Variants in NAV2 observed in about 807,000 individuals in gnomAD.
NAV2 encodes the protein neuron navigator 2.
A neutral mutation model predicts 223.2 loss-of-function variants in NAV2; 54 were observed. The observed-to-expected ratio is 0.24, with a 90% CI of 0.19 to 0.30. NAV2 has a LOEUF of 0.30. Among genes scored for constraint, NAV2 ranks in the 10% least tolerant of loss-of-function variants. The pLI is 1.00. For synonymous variants in NAV2, 1,279 were observed against 1,239.3 expected, an observed-to-expected ratio of 1.03 and a Z score of -0.67; for missense variants, 2,806 against 3,147.5, an observed-to-expected ratio of 0.89 and a Z score of 2.60.
intron 1 of NAV2, among the ~76,000 whole-genome samples, chr11:19,437,116 C>A (rs752253461): frequency 4.6e-5 from 7 of 152,126 alleles, no homozygotes; most frequent in African/African-American, 1.7e-4. Flanking sequence ...ACTGTGAAAG[C>A]AGCAGTGCAT....
intron 1 of NAV2, among the ~76,000 whole-genome samples, chr11:19,361,612 C>A (rs1308293425): frequency 1.3e-5 from 2 of 152,084 alleles, no homozygotes; most frequent in African/African-American, 4.8e-5. Flanking sequence ...GCCCAGGGAG[C>A]CAGCTTCCTC....
chr11:19,715,294 G>A (rs535061288), intron 1 of NAV2, among the ~76,000 whole-genome samples: 121 of 152,182 alleles, frequency 8.0e-4, no homozygotes, highest in Non-Finnish European at 1.5e-3. Context: ...TGGGAGGAAG[G>A]CAAGATTTCC....
intron 1 of NAV2, among the ~76,000 whole-genome samples, chr11:19,677,004 G>C (rs1386094081): frequency 6.6e-6 from 1 of 152,200 alleles, no homozygotes; most frequent in Non-Finnish European, 1.5e-5. Flanking sequence ...ACCACACCAA[G>C]AGTGAAGGCA....
chr11:19,349,135 A>G (rs1351832179), upstream of NAV2, among the ~76,000 whole-genome samples: 1 of 152,248 alleles, frequency 6.6e-6, no homozygotes, highest in Non-Finnish European at 1.5e-5. Context: ...TATACAAGAT[A>G]ACCTTCTGAA....
chr11:19,359,630 A>G (rs774242859), intron 1 of NAV2, among the ~76,000 whole-genome samples: 7 of 152,252 alleles, frequency 4.6e-5, no homozygotes, highest in Non-Finnish European at 5.9e-5. Flanking sequence ...AATAGAAACA[A>G]ATGACGTCAC....
intron 1 of NAV2, among the ~76,000 whole-genome samples, chr11:19,638,373 G>A (rs999630644): frequency 6.6e-6 from 1 of 152,210 alleles, no homozygotes; most frequent in African/African-American, 2.4e-5. Flanking sequence ...TTGTGCTTGA[G>A]AAAGCAGAAC....
intron 11 of NAV2, among the ~76,000 whole-genome samples, chr11:20,028,864 G>A (rs1404448461): frequency 6.6e-6 from 1 of 152,182 alleles, no homozygotes; most frequent in African/African-American, 2.4e-5. Context: ...ATTGTGAGTT[G>A]AGTTGTAACG....
chr11:20,034,645 G>C (rs1221384287), intron 11 of NAV2, among the ~76,000 whole-genome samples: 1 of 152,190 alleles, frequency 6.6e-6, no homozygotes, highest in Non-Finnish European at 1.5e-5. Context: ...GCTTCCCAAA[G>C]TGCTGGGATT....
intron 4 of NAV2, among the ~76,000 whole-genome samples, chr11:19,869,620 T>C (rs2153049524): frequency 6.6e-6 from 1 of 152,296 alleles, no homozygotes; most frequent in African/African-American, 2.4e-5. Context: ...GCCTGAAACT[T>C]TCACGCTCTC....
chr11:19,540,397 C>T (rs1160583938), intron 1 of NAV2, among the ~76,000 whole-genome samples: 1 of 152,256 alleles, frequency 6.6e-6, no homozygotes, highest in African/African-American at 2.4e-5. Context: ...CTTACTATTT[C>T]CTAGGCACTA....
chr11:19,734,060 G>A (rs576878308), intron 1 of NAV2, among the ~76,000 whole-genome samples: 1 of 152,260 alleles, frequency 6.6e-6, no homozygotes, highest in South Asian at 2.1e-4. Flanking sequence ...GGTGGACTTT[G>A]AGGCTGGAGA....
chr11:19,728,860 A>G (rs2051483940), intron 1 of NAV2, among the ~76,000 whole-genome samples: 1 of 152,232 alleles, frequency 6.6e-6, no homozygotes, highest in African/African-American at 2.4e-5. Flanking sequence ...GTAATTTGGT[A>G]ATAAGGAAAC....
At chr11:19,984,048 G>C (rs1035067770) in intron 10 of NAV2, 77 bp from the exon 11 acceptor site, 5 of 1,599,440 alleles carry the variant, frequency 3.1e-6, no homozygotes, top group South Asian at 1.1e-5. Flanking sequence ...GGCTGTACAG[G>C]CTTCTGGATA....
chr11:19,731,013 A>C (rs1007999730), intron 1 of NAV2, among the ~76,000 whole-genome samples: 6 of 152,258 alleles, frequency 3.9e-5, no homozygotes, highest in Non-Finnish European at 5.9e-5. Flanking sequence ...CACTTAAACC[A>C]AAAAATTATT....
chr11:19,869,619 T>G, intron 4 of NAV2, among the ~76,000 whole-genome samples: 1 of 152,156 alleles, frequency 6.6e-6, no homozygotes, highest in East Asian at 1.9e-4. Flanking sequence ...AGCCTGAAAC[T>G]TTCACGCTCT....
chr11:19,511,504 G>A (rs2043279090), intron 1 of NAV2: 1 of 152,172 alleles, frequency 6.6e-6, no homozygotes, highest in Non-Finnish European at 1.5e-5. Context: ...TCATGGTGAT[G>A]GTTGCACAAT....
intron 20 of NAV2, among the ~76,000 whole-genome samples, chr11:20,065,876 G>A (rs185755860): frequency 2.0e-5 from 3 of 152,262 alleles, no homozygotes; most frequent in Admixed American, 1.3e-4. Context: ...ATTGAACTTG[G>A]GGCTTATTTC....
Position 19,474,257 on chromosome 11 carries a change from G to T in NAV2, c.75+123230G>T, listed in dbSNP as rs181863107. On this transcript the variant is annotated intron_variant, in intron 1 of 37. Coordinates refer to the NAV2 transcript ENST00000360655. ...TGTCCAAAGAAGCAATGCAAGGCCA[G>T]CCCAGTGGCATCGTTTGTGAGAGTG... Among the ~76,000 whole-genome samples, 209 of 152,344 alleles carry T rather than the reference G, an allele frequency of 1.4e-3. 1 individual carries two copies. The highest frequency in any genetic ancestry group is 1.3e-3 in the Non-Finnish European group (90 of 68,032).
At chr11:20,086,741 A>G (rs2060471511) in intron 26 of NAV2, among the ~76,000 whole-genome samples, 1 of 152,202 alleles carries the variant, frequency 6.6e-6, no homozygotes, top group African/African-American at 2.4e-5. Context: ...GTGTATGGTG[A>G]TGGATCAGAT....
Sources: allele counts gnomAD v4.1 joint callset (sites outside exome capture counted in the v4.1 genomes callset), GRCh38; gene constraint gnomAD v4.1.1; transcripts MANE v1.5; gene names NCBI Gene and HGNC (gene_info 2026-07-23, HGNC 2026-07-21).